MDFIC: variants seen among roughly 807,000 people sequenced by gnomAD.
MDFIC encodes MyoD family inhibitor domain containing.
Under a neutral mutation model 23.2 loss-of-function variants are expected in MDFIC, and 17 were observed. The observed-to-expected ratio is 0.73, with a 90% CI of 0.50 to 1.10. The LOEUF (loss-of-function observed/expected upper bound fraction) is 1.10, where lower values mean the gene tolerates loss of function less well. Ranked by LOEUF, MDFIC falls within the 50% of genes least tolerant of loss-of-function variation. MDFIC has a pLI of 0.00. For synonymous variants in MDFIC, 120 were observed against 115.2 expected (o/e 1.04, Z -0.27); for missense variants, 356 against 316.6 (o/e 1.12, Z -0.95).
chr7:114,953,385 G>T (rs1386264672), intron 3 of MDFIC, among the ~76,000 whole-genome samples: 1 of 152,108 alleles, frequency 6.6e-6, no homozygotes, highest in Admixed American at 6.5e-5. Flanking sequence ...TGCCATAAAG[G>T]CTACATGTGT....
intron 4 of MDFIC, among the ~76,000 whole-genome samples, chr7:114,985,983 C>T (rs1330306279): frequency 1.3e-5 from 2 of 150,808 alleles, no homozygotes. Context: ...GTAGCCAATA[C>T]TGCTATGTAT....
At chr7:114,974,039 G>A (rs1466613106) in intron 3 of MDFIC, among the ~76,000 whole-genome samples, 2 of 152,118 alleles carry the variant, frequency 1.3e-5, no homozygotes, top group Non-Finnish European at 2.9e-5. Context: ...GATACAGAAA[G>A]TGCCAGAAGC....
intron 4 of MDFIC, among the ~76,000 whole-genome samples, chr7:114,987,285 G>A (rs1793531725): frequency 6.6e-6 from 1 of 152,040 alleles, no homozygotes; most frequent in Admixed American, 6.6e-5. Flanking sequence ...CAACAGTATT[G>A]TAAAATCTTA....
chr7:114,973,395 AAAAC>A (rs1310892786), intron 3 of MDFIC, among the ~76,000 whole-genome samples: 1 of 152,094 alleles, frequency 6.6e-6, no homozygotes, highest in Non-Finnish European at 1.5e-5. Context: ...CCAACTGCAA[AAAAC>A]AAAGTATAGA....
chr7:114,977,378 AC>A (rs1793336897), intron 3 of MDFIC, among the ~76,000 whole-genome samples: 1 of 151,448 alleles, frequency 6.6e-6, no homozygotes, highest in Admixed American at 6.6e-5. Context: ...TCTGTTGAAA[AC>A]CCCACTGCTG....
At position 114,945,295 on chromosome 7, in the gene MDFIC, G is replaced by T. The variant is rs146287372; in HGVS notation, c.217+2898G>T. 1.0e-3 allele frequency among the ~76,000 whole-genome samples: 152 copies of T among 152,274 alleles called. 3 individuals are homozygous for T. In the East Asian group the frequency reaches 0.021, roughly 21 times the overall value. On this transcript the variant is annotated intron_variant, in intron 3 of 4. Coordinates refer to ENST00000393486, the MANE Select transcript of MDFIC (RefSeq NM_001166345.3). The stretch of plus-strand genomic sequence containing the variant: ...CTGAGCTCTGGAAAGTCAGGGAGTG[G>T]CTGCTTTGGAAATTGTATTCTAATT...
chr7:114,982,154 C>G (rs1793428518), intron 4 of MDFIC, among the ~76,000 whole-genome samples: 1 of 152,158 alleles, frequency 6.6e-6, no homozygotes. Flanking sequence ...TATGTGATCT[C>G]TTGTTGAGGA....
chr7:114,975,055 C>CT (rs1004908701), intron 3 of MDFIC, among the ~76,000 whole-genome samples: 7 of 150,814 alleles, frequency 4.6e-5, no homozygotes, highest in East Asian at 1.9e-4. Context: ...ATCAAGAATA[C>CT]TTTTTTTTTG....
intron 4 of MDFIC, among the ~76,000 whole-genome samples, chr7:114,985,801 C>T (rs377610441): frequency 1.5e-4 from 22 of 151,680 alleles, no homozygotes; most frequent in African/African-American, 5.3e-4. Context: ...GTCTACGGAG[C>T]CTGGGATGGC....
At chr7:114,963,135 CAG>C (rs1266129829) in intron 3 of MDFIC, among the ~76,000 whole-genome samples, 1 of 152,016 alleles carries the variant, frequency 6.6e-6, no homozygotes, top group East Asian at 1.9e-4. Flanking sequence ...AATTTCTGGT[CAG>C]TTATACTGAG....
In MDFIC at chr7:115,017,068, T is replaced by C. The variant is rs1791810799; in HGVS notation, c.*1133T>C. The C allele has an allele frequency of 6.6e-6, 1 of 152,240 alleles. No individual in the cohort carries two copies. Among genetic ancestry groups the C allele is most frequent in the Non-Finnish European group, 1.5e-5 (1 of 68,050 alleles). 9.4% of individuals were successfully genotyped at this position (152,240 alleles called of 1,614,324 possible). A position where few individuals can be genotyped will look rare whatever the true frequency, so the allele number is the denominator to read the frequency against. ...ATGAGTGATTCACCTGCTATTTAAA[T>C]GAATTATTTAGATTTTTGACAAAGA... On this transcript the variant is annotated 3_prime_UTR_variant, in exon 5 of 5. Transcript: ENST00000393486.
At chr7:114,950,634 T>A (rs1268902165) in intron 3 of MDFIC, among the ~76,000 whole-genome samples, 1 of 152,144 alleles carries the variant, frequency 6.6e-6, no homozygotes, top group East Asian at 1.9e-4. Context: ...ATTTAAGATT[T>A]CTGAGTTGGA....
chr7:114,962,347 G>T (rs531576189), intron 3 of MDFIC, among the ~76,000 whole-genome samples: 3 of 152,256 alleles, frequency 2.0e-5, no homozygotes, highest in South Asian at 4.1e-4. Context: ...CTTGCAATTT[G>T]TAAACCATGA....
intron 2 of MDFIC, among the ~76,000 whole-genome samples, chr7:114,926,467 T>C (rs1272684530): frequency 6.6e-6 from 1 of 152,216 alleles, no homozygotes; most frequent in African/African-American, 2.4e-5. Flanking sequence ...TGGGATATTG[T>C]GAATCACTTG....
chr7:114,924,183 A>G (rs1215287746), intron 2 of MDFIC, among the ~76,000 whole-genome samples: 1 of 152,236 alleles, frequency 6.6e-6, no homozygotes, highest in African/African-American at 2.4e-5. Flanking sequence ...AACAGAAAAT[A>G]AAAATGATTA....
intron 4 of MDFIC, among the ~76,000 whole-genome samples, chr7:115,006,378 A>T (rs1292450050): frequency 6.6e-6 from 1 of 152,172 alleles, no homozygotes; most frequent in Non-Finnish European, 1.5e-5. Flanking sequence ...AACCCTGTGC[A>T]TCTCTGCAGT....
At position 114,922,420 on chromosome 7, in the gene MDFIC, C is replaced by A; in HGVS notation, c.-324C>A. On this transcript the variant is annotated 5_prime_UTR_variant, in exon 1 of 5. Transcript: ENST00000393486. The stretch of plus-strand genomic sequence containing the variant: ...CTGGCTGGAAAGAGGGGGCGGAGTG[C>A]GCGGAGTCAGAGCCGCCACCGCTGC... 8.1e-7 allele frequency: 1 copy of A among 1,239,684 alleles called. No homozygotes were observed. The highest frequency in any genetic ancestry group is 1.0e-6 in the Non-Finnish European group (1 of 989,018). The allele number at this position is 1,239,684 out of a possible 1,614,324, so 76.8% of individuals were successfully genotyped here.
intron 2 of MDFIC, among the ~76,000 whole-genome samples, chr7:114,924,356 G>A (rs944325842): frequency 2.0e-5 from 3 of 152,184 alleles, no homozygotes; most frequent in Non-Finnish European, 4.4e-5. Context: ...CACTTGAGCT[G>A]CTAATCACAA....
intron 3 of MDFIC, among the ~76,000 whole-genome samples, chr7:114,978,272 T>C (rs954881437): frequency 6.6e-6 from 1 of 152,068 alleles, no homozygotes; most frequent in Admixed American, 6.6e-5. Flanking sequence ...TCTTGATTAC[T>C]CTTCCATATA....
Sources: allele counts gnomAD v4.1 joint callset (sites outside exome capture counted in the v4.1 genomes callset), GRCh38; gene constraint gnomAD v4.1.1; transcripts MANE v1.5; gene names NCBI Gene and HGNC (gene_info 2026-07-23, HGNC 2026-07-21).